Variants in ITPR2 observed in about 807,000 individuals in gnomAD.
ITPR2 encodes inositol 1,4,5-trisphosphate-gated calcium channel ITPR2.
Under a neutral mutation model 317.1 loss-of-function variants are expected in ITPR2, and 207 were observed. The observed-to-expected ratio is 0.65, with a 90% CI of 0.58 to 0.73. ITPR2 has a LOEUF of 0.73. Ranked by LOEUF, ITPR2 falls within the 30% of genes least tolerant of loss-of-function variation. ITPR2 has a pLI of 0.00. For synonymous variants in ITPR2, 1,156 were observed against 1,149.1 expected (o/e 1.01, Z -0.12); for missense variants, 2,613 against 3,284.0 (o/e 0.80, Z 4.99).
At chr12:26,395,405 G>A (rs371813756) in intron 54 of ITPR2, among the ~76,000 whole-genome samples, 71 of 152,274 alleles carry the variant, frequency 4.7e-4, no homozygotes, top group African/African-American at 1.3e-3. Context: ...AATTCTGACC[G>A]AGAAGGGAAA....
intron 2 of ITPR2, among the ~76,000 whole-genome samples, chr12:26,761,971 G>A (rs1400114085): frequency 6.6e-6 from 1 of 152,094 alleles, no homozygotes; most frequent in Non-Finnish European, 1.5e-5. Flanking sequence ...TCCATAAAGG[G>A]CTTTAACAGC....
intron 15 of ITPR2, 27 bp from the exon 16 acceptor site, chr12:26,659,312 G>A (rs2306549): frequency 0.19 from 301,127 of 1,594,922 alleles, 35,230 homozygotes; most frequent in East Asian, 0.53. Flanking sequence ...CTGTCAGAAT[G>A]CACTGCCAAA....
At chr12:26,453,022 GAA>G (rs1941776914) in intron 45 of ITPR2, among the ~76,000 whole-genome samples, 1 of 151,962 alleles carries the variant, frequency 6.6e-6, no homozygotes, top group Admixed American at 6.6e-5. Context: ...TTATTTTCAT[GAA>G]AAGAGATAAA....
intron 48 of ITPR2, 139 bp downstream of exon 48, chr12:26,436,082 C>T: frequency 1.3e-6 from 1 of 751,574 alleles, no homozygotes; most frequent in Admixed American, 3.6e-5. Context: ...TCTGCCTGTT[C>T]TATTTACTAT....
intron 37 of ITPR2, among the ~76,000 whole-genome samples, chr12:26,539,092 G>C (rs1189999515): frequency 6.6e-6 from 1 of 152,162 alleles, no homozygotes; most frequent in African/African-American, 2.4e-5. Flanking sequence ...TCATATACCA[G>C]GTTGCAAATA....
At chr12:26,546,793 T>TTACACTGGGGA in intron 37 of ITPR2, among the ~76,000 whole-genome samples, 1 of 151,566 alleles carries the variant, frequency 6.6e-6, no homozygotes, top group East Asian at 1.9e-4. Context: ...AGATAAGAAC[T>TTACACTGGGGA]TACACTGGGG....
At chr12:26,697,679 C>T (rs1257288758) in intron 9 of ITPR2, among the ~76,000 whole-genome samples, 2 of 152,018 alleles carry the variant, frequency 1.3e-5, no homozygotes, top group Admixed American at 1.3e-4. Flanking sequence ...CATGGTGGCA[C>T]GCACTTGTAA....
At chr12:26,669,287 T>G (rs1433384733) in intron 13 of ITPR2, among the ~76,000 whole-genome samples, 1 of 151,500 alleles carries the variant, frequency 6.6e-6, no homozygotes, top group Non-Finnish European at 1.5e-5. Context: ...AAAAGGGAAG[T>G]TAAGAGAGAA....
At chr12:26,343,620 A>G (rs1179185949) in intron 55 of ITPR2, among the ~76,000 whole-genome samples, 5 of 152,248 alleles carry the variant, frequency 3.3e-5, no homozygotes, top group South Asian at 2.1e-4. Context: ...ATTGTGCACT[A>G]AACTCCTGAA....
intron 34 of ITPR2, among the ~76,000 whole-genome samples, chr12:26,574,227 A>C (rs946332316): frequency 6.6e-5 from 10 of 152,282 alleles, no homozygotes; most frequent in Admixed American, 2.6e-4. Context: ...AAAAAAAAAA[A>C]AAACAGCCTA....
chr12:26,479,196 G>C (rs1378312332), intron 43 of ITPR2, among the ~76,000 whole-genome samples: 1 of 149,898 alleles, frequency 6.7e-6, no homozygotes, highest in Admixed American at 6.6e-5. Flanking sequence ...TCTATATTTG[G>C]TATTTTGACT....
chr12:26,824,218 A>G (rs1054999761), intron 1 of ITPR2, among the ~76,000 whole-genome samples: 2 of 152,206 alleles, frequency 1.3e-5, no homozygotes, highest in Non-Finnish European at 2.9e-5. Context: ...AATTTATTGA[A>G]TACTATACTG....
At chr12:26,597,728 A>C (rs1291669893) in intron 30 of ITPR2, among the ~76,000 whole-genome samples, 1 of 152,210 alleles carries the variant, frequency 6.6e-6, no homozygotes, top group Non-Finnish European at 1.5e-5. Flanking sequence ...TTAAGACATA[A>C]ATTTTCCTTC....
chr12:26,519,248 C>A (rs1481298212), intron 37 of ITPR2, among the ~76,000 whole-genome samples: 3 of 152,186 alleles, frequency 2.0e-5, no homozygotes, highest in South Asian at 2.1e-4. Flanking sequence ...TTATAAATAT[C>A]ATTGTGTACA....
chr12:26,514,066 C>T (rs755545102), intron 37 of ITPR2, among the ~76,000 whole-genome samples: 7 of 152,180 alleles, frequency 4.6e-5, no homozygotes, highest in Non-Finnish European at 8.8e-5. Context: ...CAATGTGATA[C>T]TTATAAACCA....
At chr12:26,736,994 G>C (rs1220800893) in intron 2 of ITPR2, among the ~76,000 whole-genome samples, 1 of 152,218 alleles carries the variant, frequency 6.6e-6, no homozygotes, top group Non-Finnish European at 1.5e-5. Context: ...ATCCCACTTT[G>C]TGTAGCTAAA....
At chr12:26,717,095 C>T (rs1948752749) in intron 5 of ITPR2, among the ~76,000 whole-genome samples, 1 of 152,108 alleles carries the variant, frequency 6.6e-6, no homozygotes, top group Non-Finnish European at 1.5e-5. Flanking sequence ...ATTTAGAAGA[C>T]ATATTATTAT....
chr12:26,447,236 A>G (rs991604249), intron 45 of ITPR2, among the ~76,000 whole-genome samples: 12 of 152,142 alleles, frequency 7.9e-5, no homozygotes, highest in African/African-American at 2.9e-4. Context: ...TTAAGCCTCA[A>G]TGAATTATCT....
intron 37 of ITPR2, among the ~76,000 whole-genome samples, chr12:26,501,462 T>C (rs1374994635): frequency 2.6e-5 from 4 of 152,202 alleles, no homozygotes; most frequent in Non-Finnish European, 5.9e-5. Flanking sequence ...TTGAACATCT[T>C]AGTCTCCCTG....
Sources: gnomAD v4.1 joint callset for allele counts (sites outside exome capture counted in the v4.1 genomes callset) on GRCh38, gnomAD v4.1.1 for gene constraint, MANE v1.5 for transcripts, NCBI Gene and HGNC (gene_info 2026-07-23, HGNC 2026-07-21) for gene names.